Variants in RIPPLY2 observed in about 807,000 individuals in gnomAD.
RIPPLY2 encodes the protein protein ripply2.
In RIPPLY2, 20 loss-of-function variants were observed where a neutral mutation model predicts 17.7. That is an observed-to-expected ratio of 1.13 (90% CI 0.79 to 1.64). The LOEUF (loss-of-function observed/expected upper bound fraction) is 1.64, where lower values mean the gene tolerates loss of function less well. RIPPLY2 is among the 40% of genes most tolerant of loss of function. RIPPLY2 has a pLI of 0.00. For missense variants in RIPPLY2, 213 were observed against 169.8 expected (o/e 1.25, Z -1.41); for synonymous variants, 69 against 63.9 (o/e 1.08, Z -0.38).
Position 83,853,778 on chromosome 6 carries a change from G to A in RIPPLY2, c.174+5G>A, listed in dbSNP as rs776933414. The stretch of plus-strand genomic sequence containing the variant: ...CCGAACCACGCCGCGGAGGCGGTGA[G>A]TGAGCCACGCGTCTCAGGCCGCGCC... On this transcript the variant is annotated splice_donor_5th_base_variant and intron_variant, in intron 2 of 3. Transcript: ENST00000369689. The A allele has an allele frequency of 1.2e-6, 2 of 1,611,054 alleles. No homozygotes were observed. Among genetic ancestry groups the A allele is most frequent in the Admixed American group, 3.3e-5 (2 of 59,828 alleles).
chr6:83,853,861 T>C, intron 2 of RIPPLY2, 88 bp downstream of exon 2: 3 of 1,235,658 alleles, frequency 2.4e-6, no homozygotes, highest in South Asian at 2.6e-5. Flanking sequence ...GAGAGAGACA[T>C]GCGAGACACC....
chr6:83,854,702 C>T (rs1299401107), intron 3 of RIPPLY2: 8 of 153,900 alleles, frequency 5.2e-5, no homozygotes, highest in Non-Finnish European at 1.4e-5. Context: ...CACAGGAAGT[C>T]AGCCTTTATC....
chr6:83,854,256 GTCTC>G (rs61535903), intron 3 of RIPPLY2, 95 bp downstream of exon 3: 52 of 935,062 alleles, frequency 5.6e-5, no homozygotes, highest in Non-Finnish European at 8.0e-5. Flanking sequence ...TGGTCCTGCA[GTCTC>G]TCTCTCTCTC....
chr6:83,856,920 T>C (rs1444286598), intron 3 of RIPPLY2: 1 of 154,426 alleles, frequency 6.5e-6, no homozygotes, highest in Non-Finnish European at 1.4e-5. Flanking sequence ...ACAAATCTTC[T>C]ATATATTATA....
intron 3 of RIPPLY2, chr6:83,854,430 G>T: frequency 2.0e-6 from 1 of 511,478 alleles, no homozygotes; most frequent in Middle Eastern, 5.1e-4. Flanking sequence ...GTAAGAGAGC[G>T]GTGACATCTT....
intron 3 of RIPPLY2, 43 bp downstream of exon 3, chr6:83,854,204 C>T (rs765162099): frequency 1.3e-6 from 2 of 1,511,880 alleles, no homozygotes; most frequent in Non-Finnish European, 1.8e-6. Context: ...TCCTCCAGCC[C>T]CAGGGAGGAG....
At chr6:83,856,090 C>T (rs1274068190) in intron 3 of RIPPLY2, 1 of 151,960 alleles carries the variant, frequency 6.6e-6, no homozygotes, top group Non-Finnish European at 1.5e-5. Context: ...TATTTTTATT[C>T]ATTTATATCT....
intron 3 of RIPPLY2, 37 bp from the exon 4 acceptor site, chr6:83,857,205 A>C: frequency 7.1e-7 from 1 of 1,401,798 alleles, no homozygotes. Context: ...AAGATCCTGA[A>C]TGTGAAAAAA....
In RIPPLY2 at chr6:83,853,446, A is replaced by C. The variant is rs1353463814; in HGVS notation, c.30A>C (p.Thr10=). The change falls in exon 1 of 4, where the codon ACA becomes ACC. Residue 10 remains threonine, a synonymous_variant. Coordinates refer to ENST00000369689, the MANE Select transcript of RIPPLY2 (RefSeq NM_001009994.3). MENAGGAEG[T]ESGAAACAAT... The stretch of plus-strand genomic sequence containing the variant: ...AGAACGCGGGAGGCGCAGAGGGTAC[A>C]GAGAGTGGAGCTGCGGCGTGCGCGG... The C allele has an allele frequency of 1.9e-6, 3 of 1,544,078 alleles. No individual in the cohort carries two copies. The East Asian group carries it at 7.3e-5, about 38-fold the overall frequency.
chr6:83,853,401 C>A lies in RIPPLY2; in HGVS notation c.-16C>A. On this transcript the variant is annotated 5_prime_UTR_variant, in exon 1 of 4. Transcript: ENST00000369689. The stretch of plus-strand genomic sequence containing the variant: ...CCGCGAGCTGGCAGCGGCCTTCCGC[C>A]CAGCTCTGCGGCGTCATGGAGAACG... 3.2e-6 allele frequency: 5 copies of A among 1,540,518 alleles called. No homozygotes were observed. Among genetic ancestry groups the A allele is most frequent in the Non-Finnish European group, 4.4e-6 (5 of 1,145,214 alleles).
intron 1 of RIPPLY2, 35 bp downstream of exon 1, chr6:83,853,546 T>C: frequency 2.6e-6 from 4 of 1,535,794 alleles, no homozygotes; most frequent in South Asian, 1.2e-5. Context: ...GCCTCCCAGC[T>C]TCCCCCGTCT....
In RIPPLY2 at chr6:83,853,512, G is replaced by C; in HGVS notation, c.95+1G>C. 4 of 1,538,458 alleles carry C rather than the reference G, an allele frequency of 2.6e-6. No homozygotes were observed. The highest frequency in any genetic ancestry group is 2.4e-5 in the East Asian group (1 of 40,822). On this transcript the variant is annotated splice_donor_variant, in intron 1 of 3. Coordinates refer to ENST00000369689, the MANE Select transcript of RIPPLY2 (RefSeq NM_001009994.3). LOFTEE classifies it high-confidence loss of function. ...CGCGGCGCGCGGGCGCGGACTCCGG[G>C]TAGGCTTCCCCGCGCTGCTCTGCGC...
At chr6:83,854,000 T>G in intron 2 of RIPPLY2, 97 bp from the exon 3 acceptor site, 1 of 1,254,514 alleles carries the variant, frequency 8.0e-7, no homozygotes, top group Non-Finnish European at 1.2e-6. Flanking sequence ...GCCCTGGGGT[T>G]ACATTCCCAG....
rs1186837475 is a variant in RIPPLY2, at chr6:83,853,482, C to T, written c.66C>T (p.Gly22=). 3.9e-6 allele frequency: 6 copies of T among 1,539,608 alleles called. No homozygotes were observed. The highest frequency in any genetic ancestry group is 5.2e-6 in the Non-Finnish European group (6 of 1,145,500). The change falls in exon 1 of 4, where the codon GGC becomes GGT. Residue 22 remains glycine (G), a synonymous_variant. Coordinates refer to ENST00000369689, the MANE Select transcript of RIPPLY2 (RefSeq NM_001009994.3). ...CTGCGGCGTGCGCGGCCACCGACGG[C>T]CCTACGCGGCGCGCGGGCGCGGACT... ...SGAAACAATD[G]PTRRAGADSG...
chr6:83,857,491 A>C lies in RIPPLY2; in HGVS notation c.*102A>C. On this transcript the variant is annotated 3_prime_UTR_variant, in exon 4 of 4. Transcript: ENST00000369689. ...AAACTAATTTATTTGTATATAAATTATTAATAAAATGAAATATTTTGTAAT... is the reference window on the plus strand; with the variant it reads ...AAACTAATTTATTTGTATATAAATTCTTAATAAAATGAAATATTTTGTAAT... The C allele has an allele frequency of 1.6e-6, 1 of 614,806 alleles. No homozygotes were observed. Among genetic ancestry groups the C allele is most frequent in the Non-Finnish European group, 2.3e-6 (1 of 427,744 alleles). The allele number at this position is 614,806 out of a possible 1,614,324, so 38.1% of individuals were successfully genotyped here.
chr6:83,853,601 C>T, intron 1 of RIPPLY2, 90 bp downstream of exon 1: 1 of 1,545,422 alleles, frequency 6.5e-7, no homozygotes, highest in South Asian at 1.2e-5. Context: ...ACTCTCCATC[C>T]CCCACTGCCC....
At chr6:83,853,261 T>C (rs2099454453), upstream of RIPPLY2, 2 of 614,554 alleles carry the variant, frequency 3.3e-6, no homozygotes, top group Non-Finnish European at 5.4e-6. Flanking sequence ...AGCCTTTTTG[T>C]TTATGCGGCT....
chr6:83,853,504 G>A lies in RIPPLY2; in HGVS notation c.88G>A (p.Asp30Asn). The A allele has an allele frequency of 6.5e-7, 1 of 1,538,712 alleles. No homozygotes were observed. The highest frequency in any genetic ancestry group is 8.7e-7 in the Non-Finnish European group (1 of 1,145,464). ...CGGCCCTACGCGGCGCGCGGGCGCG[G>A]ACTCCGGGTAGGCTTCCCCGCGCTG... ...TDGPTRRAGA[D>N]SGYAGFWRPW... The change falls in exon 1 of 4, where the codon GAC becomes AAC. Residue 30 changes from aspartate to asparagine, a missense_variant. Physicochemically the swap from Asp to Asn is conservative, Grantham distance 23 (BLOSUM62 1). Transcript: ENST00000369689.
intron 3 of RIPPLY2, chr6:83,854,386 G>A: frequency 1.0e-5 from 6 of 577,114 alleles, no homozygotes; most frequent in South Asian, 2.1e-5. Context: ...TGAACTTGAT[G>A]AATATATTAC....
Sources: allele counts gnomAD v4.1 joint callset, GRCh38; gene constraint gnomAD v4.1.1; transcripts MANE v1.5; gene names NCBI Gene and HGNC (gene_info 2026-07-23, HGNC 2026-07-21).